The following RNF146 variants were observed in gnomAD, a reference collection of about 807,000 sequenced individuals.
RNF146 encodes the protein E3 ubiquitin-protein ligase RNF146.
In RNF146, 11 loss-of-function variants were observed where a neutral mutation model predicts 29.7. The observed-to-expected ratio is 0.37, with a 90% CI of 0.23 to 0.61. The LOEUF is 0.61. Ranked by LOEUF, RNF146 falls within the 20% of genes least tolerant of loss-of-function variation. The probability of loss-of-function intolerance (pLI) is 0.66; values close to 1 mark genes in which losing one functional copy is unlikely to be tolerated. For missense variants in RNF146, 342 were observed against 438.9 expected (o/e 0.78, Z 1.97); for synonymous variants, 150 against 159.7 (o/e 0.94, Z 0.46).
chr6:127,282,174 T>G (rs1158804332), intron 2 of RNF146: 2 of 151,762 alleles, frequency 1.3e-5, no homozygotes, highest in African/African-American at 4.8e-5. Flanking sequence ...CTTGCTTGAT[T>G]ATTCTTTTTT....
At chr6:127,282,915 A>G (rs1428480059) in intron 2 of RNF146, among the ~76,000 whole-genome samples, 1 of 151,818 alleles carries the variant, frequency 6.6e-6, no homozygotes, top group Non-Finnish European at 1.5e-5. Flanking sequence ...CTAAATTCAG[A>G]CTTTAAAAAT....
chr6:127,273,555 A>C (rs1375162443), intron 1 of RNF146, among the ~76,000 whole-genome samples: 1 of 152,088 alleles, frequency 6.6e-6, no homozygotes, highest in Non-Finnish European at 1.5e-5. Context: ...ATTGTCACAA[A>C]TCTCCAAAAA....
intron 1 of RNF146, among the ~76,000 whole-genome samples, chr6:127,277,287 C>T (rs1276567042): frequency 2.0e-5 from 3 of 151,852 alleles, no homozygotes; most frequent in Admixed American, 6.6e-5. Context: ...TTCTGTTTGG[C>T]GTAGGCTGCA....
At chr6:127,276,179 TGAGA>T (rs977322722) in intron 1 of RNF146, among the ~76,000 whole-genome samples, 15 of 151,274 alleles carry the variant, frequency 9.9e-5, no homozygotes, top group South Asian at 2.1e-4. Flanking sequence ...TGTGAGAGAG[TGAGA>T]GAGAGAGAAT....
intron 1 of RNF146, among the ~76,000 whole-genome samples, chr6:127,270,745 C>T (rs965769264): frequency 2.6e-5 from 4 of 151,992 alleles, no homozygotes; most frequent in Non-Finnish European, 5.9e-5. Context: ...CTTTCTCGTC[C>T]TCCTGAAAAA....
At chr6:127,270,607 A>G (rs1208846153) in intron 1 of RNF146, among the ~76,000 whole-genome samples, 6 of 152,186 alleles carry the variant, frequency 3.9e-5, no homozygotes, top group Non-Finnish European at 5.9e-5. Flanking sequence ...TATTACATGT[A>G]TGCCCTATTT....
chr6:127,275,407 AGTGTT>A (rs543167511), intron 1 of RNF146, among the ~76,000 whole-genome samples: 13 of 152,142 alleles, frequency 8.5e-5, no homozygotes, highest in Non-Finnish European at 1.0e-4. Context: ...TTAGAACTCA[AGTGTT>A]GTGTTATTTG....
rs377555724 is a variant in RNF146, at chr6:127,272,526, CTT to C, written c.-109+5602_-109+5603del. 1.8e-3 allele frequency among the ~76,000 whole-genome samples: 279 copies of C among 152,284 alleles called. 1 individual carries two copies. The highest frequency in any genetic ancestry group is 6.5e-3 in the African/African-American group (271 of 41,544). ...ACTAAAATTATATGAACTGTGGACTCTTAGGGCTGCTGTAGGATTCCTGTTTA... is the reference window on the plus strand; with the variant it reads ...ACTAAAATTATATGAACTGTGGACTCAGGGCTGCTGTAGGATTCCTGTTTA... On this transcript the variant is annotated intron_variant, in intron 1 of 2. Transcript: ENST00000368314.
At chr6:127,266,729 C>G (rs994111282), upstream of RNF146, 3 of 152,222 alleles carry the variant, frequency 2.0e-5, no homozygotes, top group African/African-American at 7.2e-5. Context: ...TACCGGCAGA[C>G]AGCGGCGCGA....
rs776710876 is a variant in RNF146, at chr6:127,285,489, T to C, written c.3-1127T>C. ...TTTATTTCTCAGTCTTTTTTACTTA[T>C]CAGTGGTTTACTCCATTATTTTCTC... On this transcript the variant is annotated intron_variant, in intron 2 of 2. Coordinates refer to ENST00000368314, the MANE Select transcript of RNF146 (RefSeq NM_001242850.2). The C allele has an allele frequency of 4.4e-5, 12 of 271,658 alleles. No individual in the cohort carries two copies. The South Asian group carries it at 5.5e-4, about 12-fold the overall frequency. 16.8% of individuals were successfully genotyped at this position (271,658 alleles called of 1,614,324 possible).
At chr6:127,284,446 C>T (rs1165890493) in intron 2 of RNF146, among the ~76,000 whole-genome samples, 2 of 151,726 alleles carry the variant, frequency 1.3e-5, no homozygotes, top group Non-Finnish European at 2.9e-5. Flanking sequence ...AAATGGATCA[C>T]TTTCTTGTTT....
In RNF146 at chr6:127,286,574, G is replaced by A; in HGVS notation, c.3-42G>A. 1.3e-6 allele frequency: 2 copies of A among 1,516,212 alleles called. No homozygotes were observed. Among genetic ancestry groups the A allele is most frequent in the East Asian group, 2.3e-5 (1 of 43,254 alleles). 93.9% of individuals were successfully genotyped at this position (1,516,212 alleles called of 1,614,324 possible). ...TAATTGTTAAATTAAGATATTGCAA[G>A]AATTAAAACATGACTTTAATATTAT... is the stretch of plus-strand genomic sequence containing the variant. On this transcript the variant is annotated intron_variant, in intron 2 of 2. Transcript: ENST00000368314. This position sits in a 1 kb window ranked among gnomAD's most constrained non-coding sequence, Gnocchi z 4.6.
intron 2 of RNF146, among the ~76,000 whole-genome samples, chr6:127,285,766 C>T (rs1779432720): frequency 6.6e-6 from 1 of 151,846 alleles, no homozygotes; most frequent in Admixed American, 6.6e-5. Context: ...TGTCCATCCT[C>T]TCATCTCTCT....
chr6:127,271,136 G>A (rs1668207608), intron 1 of RNF146, among the ~76,000 whole-genome samples: 1 of 151,918 alleles, frequency 6.6e-6, no homozygotes, highest in Non-Finnish European at 1.5e-5. Flanking sequence ...TTTAAATAAT[G>A]TTTTCTTTTT....
chr6:127,287,395 G>C lies in RNF146; in HGVS notation c.782G>C (p.Ser261Thr), dbSNP rs1304664048. 1 of 1,613,384 alleles carries C rather than the reference G, an allele frequency of 6.2e-7. No homozygotes were observed. Among genetic ancestry groups the C allele is most frequent in the Non-Finnish European group, 8.5e-7 (1 of 1,179,664 alleles). The stretch of plus-strand genomic sequence containing the variant: ...AGTGGAGACAACACAGCTGAAAGGA[G>C]TCATAGGGGAGAAGGAGAAGAAGAT... Reference protein sequence around the residue: ...QLSGDNTAERSHRGEGEEDHE... With the variant: ...QLSGDNTAERTHRGEGEEDHE... Residue 261 changes from serine (S) to threonine (T), a missense_variant, in exon 3 of 3, where the codon AGT becomes ACT. Coordinates refer to ENST00000368314, the MANE Select transcript of RNF146 (RefSeq NM_001242850.2).
At chr6:127,274,431 A>C (rs1582871005) in intron 1 of RNF146, among the ~76,000 whole-genome samples, 1 of 147,832 alleles carries the variant, frequency 6.8e-6, no homozygotes. Flanking sequence ...AAGTAAAGTA[A>C]GTGAATAGAG....
chr6:127,286,305 C>A lies in RNF146; in HGVS notation c.3-311C>A. On this transcript the variant is annotated intron_variant, in intron 2 of 2. Coordinates refer to ENST00000368314, the MANE Select transcript of RNF146 (RefSeq NM_001242850.2). This position sits in a 1 kb window ranked among gnomAD's most constrained non-coding sequence, Gnocchi z 4.6. ...TCACTGTATAATAGCTGCCATGATT[C>A]AAGGTATCCTTTTCCCCTCACTGGA... 2 of 722,530 alleles carry A rather than the reference C, an allele frequency of 2.8e-6. No individual in the cohort carries two copies. The highest frequency in any genetic ancestry group is 3.9e-6 in the Non-Finnish European group (2 of 510,842). 44.8% of individuals were successfully genotyped at this position (722,530 alleles called of 1,614,324 possible).
chr6:127,282,415 T>A (rs781611513), intron 2 of RNF146: 1 of 151,718 alleles, frequency 6.6e-6, no homozygotes, highest in Non-Finnish European at 1.5e-5. Context: ...CAGACTTTTT[T>A]CAGCTCAGAT....
chr6:127,278,518 C>A (rs925398312), intron 1 of RNF146, among the ~76,000 whole-genome samples: 1 of 151,930 alleles, frequency 6.6e-6, no homozygotes, highest in South Asian at 2.1e-4. Context: ...GCACATATTT[C>A]TTTTTATTAC....
Sources: gnomAD v4.1 joint callset for allele counts (sites outside exome capture counted in the v4.1 genomes callset) on GRCh38, gnomAD v4.1.1 for gene constraint, Gnocchi (gnomAD v3.1) non-coding constraint, MANE v1.5 for transcripts, NCBI Gene and HGNC (gene_info 2026-07-23, HGNC 2026-07-21) for gene names.